Variants in NDC80 observed in about 807,000 individuals in gnomAD.
NDC80 encodes kinetochore protein NDC80 homolog.
Under a neutral mutation model 89.3 loss-of-function variants are expected in NDC80, and 69 were observed. That is an observed-to-expected ratio of 0.77 (90% CI 0.64 to 0.94). NDC80 has a LOEUF of 0.94. Ranked by LOEUF, NDC80 falls within the 40% of genes least tolerant of loss-of-function variation. The pLI is 0.00. For synonymous variants in NDC80, 243 were observed against 255.6 expected, an observed-to-expected ratio of 0.95 and a Z score of 0.47; for missense variants, 593 against 739.6, an observed-to-expected ratio of 0.80 and a Z score of 2.30.
rs1400763530 is a variant in NDC80, at chr18:2,585,124, C to G, written c.591C>G (p.Ala197=). 1.2e-6 allele frequency: 2 copies of G among 1,612,958 alleles called. No homozygotes were observed. The highest frequency in any genetic ancestry group is 3.3e-5 in the Admixed American group (2 of 60,004). Reference sequence around the variant, plus strand: ...TGTGTACTAATTAGATACATACTGCCATGAAAGAAAGCTCACCTTTATTTG... The same window carrying G: ...TGTGTACTAATTAGATACATACTGCGATGAAAGAAAGCTCACCTTTATTTG... ...WLIDCIKIHT[A]MKESSPLFDD... is the part of the protein sequence containing the mutation. The change falls in exon 7 of 17, where the codon GCC becomes GCG. Residue 197 remains alanine, a synonymous_variant. Transcript: ENST00000261597.
At chr18:2,614,968 G>T (rs2072777585) in intron 16 of NDC80, 1 of 152,398 alleles carries the variant, frequency 6.6e-6, no homozygotes, top group African/African-American at 2.4e-5. Flanking sequence ...GGATGCTGGG[G>T]TGAAGCAGCC....
intron 11 of NDC80, among the ~76,000 whole-genome samples, chr18:2,597,182 A>G (rs926771021): frequency 6.6e-6 from 1 of 151,940 alleles, no homozygotes; most frequent in Non-Finnish European, 1.5e-5. Context: ...TAATAATAAT[A>G]AAAAATAAGT....
intron 13 of NDC80, among the ~76,000 whole-genome samples, 178 bp from the exon 14 acceptor site, chr18:2,606,237 A>G (rs1473237367): frequency 1.3e-4 from 19 of 151,984 alleles, no homozygotes; most frequent in Admixed American, 1.2e-3. Flanking sequence ...GTTTCTTTGA[A>G]ATTAATTTCT....
chr18:2,595,722 A>C, intron 11 of NDC80, 101 bp downstream of exon 11: 2 of 916,638 alleles, frequency 2.2e-6, no homozygotes, highest in Non-Finnish European at 3.3e-6. Context: ...AATTGGCTTA[A>C]GAGGTAAAAC....
In NDC80 at chr18:2,601,471, G is replaced by T. The variant is rs756076319; in HGVS notation, c.1450G>T (p.Asp484Tyr). ...KALNKKMGLE[D>Y]TLEQLNAMIT... ...CCTAAATAAAAAAATGGGTTTGGAG[G>T]ATACTTTAGAACAAGTAAGTAATAA... The change falls in exon 13 of 17, where the codon GAT becomes TAT. Residue 484 changes from aspartate to tyrosine, a missense_variant. Transcript: ENST00000261597. 4.2e-6 allele frequency: 6 copies of T among 1,443,782 alleles called. No homozygotes were observed. Among genetic ancestry groups the T allele is most frequent in the Non-Finnish European group, 5.7e-6 (6 of 1,059,816 alleles). 89.4% of individuals were successfully genotyped at this position (1,443,782 alleles called of 1,614,324 possible). A position where few individuals can be genotyped will look rare whatever the true frequency, so the allele number is the denominator to read the frequency against.
chr18:2,577,493 C>T (rs1363416931), intron 3 of NDC80: 4 of 340,152 alleles, frequency 1.2e-5, no homozygotes, highest in African/African-American at 8.5e-5. Context: ...GGATTACAGG[C>T]ATGAGCCACT....
At chr18:2,611,272 C>T (rs567212046) in intron 16 of NDC80, among the ~76,000 whole-genome samples, 2 of 152,276 alleles carry the variant, frequency 1.3e-5, no homozygotes. Context: ...TGGTCTCAAA[C>T]TCCTGACCTC....
chr18:2,591,386 AACTAT>A (rs2072626816), intron 10 of NDC80, among the ~76,000 whole-genome samples: 1 of 152,100 alleles, frequency 6.6e-6, no homozygotes, highest in African/African-American at 2.4e-5. Context: ...ATTTATTGAC[AACTAT>A]ACTGTTTTCC....
At chr18:2,572,863 T>G in intron 1 of NDC80, 114 bp from the exon 2 acceptor site, 2 of 736,882 alleles carry the variant, frequency 2.7e-6, no homozygotes, top group South Asian at 2.0e-5. Context: ...GGAAAGATGA[T>G]GATCTTGAAG....
chr18:2,605,053 T>C (rs1340470909), intron 13 of NDC80, among the ~76,000 whole-genome samples: 1 of 152,118 alleles, frequency 6.6e-6, no homozygotes, highest in Non-Finnish European at 1.5e-5. Flanking sequence ...AACAGTTTGG[T>C]TGTCCATTTG....
intron 6 of NDC80, among the ~76,000 whole-genome samples, chr18:2,583,131 A>T (rs1430770709): frequency 6.6e-6 from 1 of 152,208 alleles, no homozygotes; most frequent in Non-Finnish European, 1.5e-5. Flanking sequence ...TGAAAACATG[A>T]TTCAAATCTA....
At position 2,578,055 on chromosome 18, in the gene NDC80, A is replaced by G; in HGVS notation, c.390A>G (p.Thr130=). 6.2e-7 allele frequency: 1 copy of G among 1,614,136 alleles called. No homozygotes were observed. Among genetic ancestry groups the G allele is most frequent in the Non-Finnish European group, 8.5e-7 (1 of 1,179,996 alleles). ...TTAAAGACTTCCTGAAGATCTTCAC[A>G]TTTCTTTATGGCTTCCTGTGCCCCT... ...PSVKDFLKIF[T]FLYGFLCPSY... The change falls in exon 5 of 17, where the codon ACA becomes ACG. Residue 130 remains threonine (T), a synonymous_variant. Transcript: ENST00000261597.
chr18:2,610,530 T>G (rs145649524), intron 15 of NDC80, among the ~76,000 whole-genome samples: 1,815 of 152,366 alleles, frequency 0.012, 116 homozygotes, highest in Admixed American at 0.11. Context: ...CTTTATATGT[T>G]AAAACATGGT....
chr18:2,584,282 C>T (rs547840691), intron 6 of NDC80, among the ~76,000 whole-genome samples: 7 of 131,614 alleles, frequency 5.3e-5, no homozygotes, highest in African/African-American at 1.2e-4. Flanking sequence ...AGTGAGACTC[C>T]GTCTCAAAAA....
intron 9 of NDC80, among the ~76,000 whole-genome samples, chr18:2,589,801 T>C (rs9946513): frequency 0.019 from 2,613 of 136,598 alleles, 417 homozygotes; most frequent in African/African-American, 0.092. Context: ...TTTTAAATAT[T>C]TGTGCTTTTT....
At chr18:2,583,090 T>C (rs1285829527) in intron 6 of NDC80, among the ~76,000 whole-genome samples, 1 of 152,200 alleles carries the variant, frequency 6.6e-6, no homozygotes, top group Admixed American at 6.5e-5. Context: ...TATTAAGAAG[T>C]GGTGTTAGAG....
intron 2 of NDC80, 129 bp downstream of exon 2, chr18:2,573,215 C>A: frequency 3.0e-6 from 2 of 675,646 alleles, no homozygotes; most frequent in Non-Finnish European, 4.7e-6. Context: ...CCCAGGGGTA[C>A]CTAATTTTGG....
At chr18:2,587,098 G>A (rs999532301) in intron 7 of NDC80, among the ~76,000 whole-genome samples, 1 of 83,612 alleles carries the variant, frequency 1.2e-5, no homozygotes, top group African/African-American at 3.2e-5. Flanking sequence ...TGCCTATTCA[G>A]GGTACTCACT....
intron 8 of NDC80, among the ~76,000 whole-genome samples, chr18:2,588,496 C>T (rs1346073742): frequency 6.6e-6 from 1 of 151,338 alleles, no homozygotes; most frequent in East Asian, 1.9e-4. Flanking sequence ...TATTATTTTA[C>T]ATTTTCATTC....
Sources: allele counts gnomAD v4.1 joint callset (sites outside exome capture counted in the v4.1 genomes callset), GRCh38; gene constraint gnomAD v4.1.1; transcripts MANE v1.5; gene names NCBI Gene and HGNC (gene_info 2026-07-23, HGNC 2026-07-21).